The following MYRIP variants were observed in gnomAD, a reference collection of about 807,000 sequenced individuals.
The protein encoded by MYRIP is myosin VIIA and Rab interacting protein.
MYRIP carries 49 observed loss-of-function variants against 98.0 expected under a neutral mutation model. That is an observed-to-expected ratio of 0.50 (90% CI 0.40 to 0.63). The LOEUF (loss-of-function observed/expected upper bound fraction) is 0.63. Among genes scored for constraint, MYRIP ranks in the 30% least tolerant of loss-of-function variants. The pLI is 0.00. For missense variants in MYRIP, 1,004 were observed against 1,058.2 expected (o/e 0.95, Z 0.71); for synonymous variants, 404 against 409.5 (o/e 0.99, Z 0.16).
intron 3 of MYRIP, among the ~76,000 whole-genome samples, chr3:40,146,007 G>GA (rs766508651): frequency 9.9e-5 from 15 of 152,156 alleles, no homozygotes; most frequent in Non-Finnish European, 2.1e-4. Flanking sequence ...ATAGGAGTGG[G>GA]AAAAAAATGT....
chr3:39,877,845 G>A (rs1407243427), intron 1 of MYRIP, among the ~76,000 whole-genome samples: 23 of 152,104 alleles, frequency 1.5e-4, no homozygotes, highest in African/African-American at 3.1e-4. Flanking sequence ...CTCCAGCTGC[G>A]TGCTGGGAGA....
At chr3:39,824,023 A>T (rs1309623917) in intron 1 of MYRIP, among the ~76,000 whole-genome samples, 1 of 152,026 alleles carries the variant, frequency 6.6e-6, no homozygotes. Flanking sequence ...TTTTGAATTG[A>T]TTTTTGTTTA....
At position 40,251,992 on chromosome 3, in the gene MYRIP, A is replaced by G; in HGVS notation, c.2540A>G (p.Asp847Gly). The G allele has an allele frequency of 6.3e-7, 1 of 1,597,730 alleles. No individual in the cohort carries two copies. Residue 847 changes from aspartate to glycine, a missense_variant, in exon 16 of 17, where the codon GAT becomes GGT. This residue lies in a region of MYRIP where 108 missense variants were observed against 111.1 expected (regional missense o/e 0.97). Transcript: ENST00000302541. ...RTKERKGTTK[D>G]LMEPALESAV... ...AAGGAAAGGAAAGGCACCACCAAGGATTTGATGGTAAATGTCATCTCTGTC... is the reference window on the plus strand; with the variant it reads ...AAGGAAAGGAAAGGCACCACCAAGGGTTTGATGGTAAATGTCATCTCTGTC...
At chr3:40,154,175 TCA>T (rs1367747044) in intron 4 of MYRIP, among the ~76,000 whole-genome samples, 3 of 152,046 alleles carry the variant, frequency 2.0e-5, no homozygotes, top group Admixed American at 6.6e-5. Context: ...TTCCTTCAAT[TCA>T]CACAGTCTCA....
Position 39,862,515 on chromosome 3 carries a change from A to C in MYRIP, c.-30-38272A>C, listed in dbSNP as rs560879937. On this transcript the variant is annotated intron_variant, in intron 1 of 16. Coordinates refer to ENST00000302541, the MANE Select transcript of MYRIP (RefSeq NM_015460.4). ...TTGCTATTCTAATTTCAGACAAAAA[A>C]TACTATAAGCCACTAAAGACAAAAA... Among the ~76,000 whole-genome samples, 11 of 152,326 alleles carry C rather than the reference A, an allele frequency of 7.2e-5. 1 individual carries two copies. In the Middle Eastern group the frequency reaches 0.017, roughly 236 times the overall value.
intron 2 of MYRIP, among the ~76,000 whole-genome samples, chr3:39,931,816 C>T (rs1252460280): frequency 6.6e-6 from 1 of 152,114 alleles, no homozygotes; most frequent in Non-Finnish European, 1.5e-5. Flanking sequence ...TTCAGATAGA[C>T]TTTTAGATGT....
intron 3 of MYRIP, among the ~76,000 whole-genome samples, chr3:40,098,725 T>C (rs913648052): frequency 6.1e-5 from 9 of 147,884 alleles, no homozygotes; most frequent in Non-Finnish European, 1.0e-4. Flanking sequence ...TGTGTATCTC[T>C]CTCTGTCTCT....
At chr3:39,816,948 A>T (rs976481149) in intron 1 of MYRIP, among the ~76,000 whole-genome samples, 81 of 152,340 alleles carry the variant, frequency 5.3e-4, no homozygotes, top group African/African-American at 1.9e-3. Context: ...CATCACATGA[A>T]AACATTCATT....
At chr3:39,834,364 G>T (rs1247946161) in intron 1 of MYRIP, among the ~76,000 whole-genome samples, 1 of 152,172 alleles carries the variant, frequency 6.6e-6, no homozygotes, top group African/African-American at 2.4e-5. Context: ...TAACAGAGTA[G>T]TTAGATATTT....
chr3:40,063,324 T>C (rs1012351929), intron 3 of MYRIP, among the ~76,000 whole-genome samples: 2 of 152,182 alleles, frequency 1.3e-5, no homozygotes, highest in East Asian at 1.9e-4. Context: ...AATAGTATTG[T>C]AGTAATTTAA....
chr3:40,184,678 C>T (rs965641175), intron 9 of MYRIP, among the ~76,000 whole-genome samples: 5 of 152,182 alleles, frequency 3.3e-5, no homozygotes, highest in Non-Finnish European at 7.4e-5. Flanking sequence ...CTACAAGATG[C>T]TCTATTTCAC....
intron 12 of MYRIP, among the ~76,000 whole-genome samples, chr3:40,239,162 G>A (rs1435196950): frequency 6.6e-6 from 1 of 150,408 alleles, no homozygotes; most frequent in African/African-American, 2.5e-5. Context: ...GCAGTGTTTG[G>A]TTTTTTGTTC....
chr3:40,223,971 GA>G lies in MYRIP; in HGVS notation c.1906-9883del, dbSNP rs1436303031. Among the ~76,000 whole-genome samples, 5 of 132,782 alleles carry G rather than the reference GA, an allele frequency of 3.8e-5. No individual in the cohort carries two copies. In the South Asian group the frequency reaches 1.2e-3, roughly 31 times the overall value. The allele number at this position is 132,782 out of a possible 152,430, so 87.1% of individuals were successfully genotyped here. On this transcript the variant is annotated intron_variant, in intron 11 of 16. Coordinates refer to ENST00000302541, the MANE Select transcript of MYRIP (RefSeq NM_015460.4). ...GAACTGAGACCCAAATGGCAAGCAG[GA>G]AAAAGATCTAAAGGAAGGGCTTTCC...
rs376711519 is a variant in MYRIP, at chr3:40,081,729, G to A, written c.332+37458G>A. Among the ~76,000 whole-genome samples the A allele has an allele frequency of 2.4e-4, 36 of 152,278 alleles. 1 individual carries two copies. Among genetic ancestry groups the A allele is most frequent in the African/African-American group, 1.4e-4 (6 of 41,562 alleles). ...TCTCTTAGCAATTTTGAAATACAAC[G>A]TATATTATTAGCTATAGTCAACATG... On this transcript the variant is annotated intron_variant, in intron 3 of 16. Transcript: ENST00000302541.
At chr3:40,050,150 T>C (rs750825744) in intron 3 of MYRIP, among the ~76,000 whole-genome samples, 11 of 152,150 alleles carry the variant, frequency 7.2e-5, no homozygotes, top group Admixed American at 2.6e-4. Context: ...CTCTAAACAA[T>C]AGATTTCATC....
chr3:40,007,607 T>C (rs954743635), intron 2 of MYRIP, among the ~76,000 whole-genome samples: 1 of 152,218 alleles, frequency 6.6e-6, no homozygotes, highest in Non-Finnish European at 1.5e-5. Flanking sequence ...GAGTATCTAA[T>C]GTGGCTCCTG....
chr3:40,172,809 C>G (rs1950646271), intron 8 of MYRIP, among the ~76,000 whole-genome samples: 1 of 152,200 alleles, frequency 6.6e-6, no homozygotes, highest in Non-Finnish European at 1.5e-5. Flanking sequence ...CAGCTTGCTT[C>G]TCTTCTAAGA....
intron 3 of MYRIP, 22 bp downstream of exon 3, chr3:40,044,293 A>G (rs1177791202): frequency 6.2e-7 from 1 of 1,608,262 alleles, no homozygotes; most frequent in Non-Finnish European, 8.5e-7. Flanking sequence ...GTGCATTCCC[A>G]GGGTCTACAC....
chr3:39,873,709 G>A (rs1352414513), intron 1 of MYRIP, among the ~76,000 whole-genome samples: 2 of 150,664 alleles, frequency 1.3e-5, no homozygotes, highest in African/African-American at 4.8e-5. Flanking sequence ...TCTCTGTTTT[G>A]GTACCAGTAC....
Sources: gnomAD v4.1 joint callset for allele counts (sites outside exome capture counted in the v4.1 genomes callset) on GRCh38, gnomAD v4.1.1 for gene constraint, gnomAD v4.1.1 regional missense constraint, MANE v1.5 for transcripts, NCBI Gene and HGNC (gene_info 2026-07-23, HGNC 2026-07-21) for gene names.